The following CSPG4 variants were observed in gnomAD, a reference collection of about 807,000 sequenced individuals.
CSPG4 encodes chondroitin sulfate proteoglycan 4 (melanoma-associated).
CSPG4 carries 74 observed loss-of-function variants against 139.3 expected under a neutral mutation model. That is an observed-to-expected ratio of 0.53 (90% CI 0.44 to 0.64). The LOEUF (loss-of-function observed/expected upper bound fraction) is 0.64. CSPG4 is among the 30% of genes least tolerant of loss of function. CSPG4 has a pLI of 0.00. For synonymous variants in CSPG4, 1,234 were observed against 1,394.2 expected (o/e 0.89, Z 2.56); for missense variants, 2,565 against 3,148.3 (o/e 0.81, Z 4.43).
intron 1 of CSPG4, among the ~76,000 whole-genome samples, chr15:75,709,825 TA>T (rs1894423409): frequency 6.6e-6 from 1 of 151,870 alleles, no homozygotes; most frequent in South Asian, 2.1e-4. Flanking sequence ...CGGGCAGCAC[TA>T]AAAGGCCCTT....
intron 1 of CSPG4, among the ~76,000 whole-genome samples, chr15:75,695,664 T>TG (rs973957562): frequency 4.0e-5 from 6 of 151,608 alleles, no homozygotes; most frequent in Non-Finnish European, 5.9e-5. Flanking sequence ...TTGGAGGTGG[T>TG]GGGGGGGCAG....
Position 75,675,795 on chromosome 15 carries a change from G to A in CSPG4, c.6724C>T (p.Leu2242=). The A allele has an allele frequency of 1.9e-6, 3 of 1,613,582 alleles. No individual in the cohort carries two copies. Among genetic ancestry groups the A allele is most frequent in the South Asian group, 1.1e-5 (1 of 91,082 alleles). ...VLLLLALILP[L]LFYLRKRNKT... ...TTGCGTTTTCGGAGGTAGAAGAGCA[G>A]GGGCAGGATGAGCGCCAGGAGCAGA... The change falls in exon 10 of 10, where the codon CTG becomes TTG. Residue 2242 remains leucine (L), a synonymous_variant. Transcript: ENST00000308508.
rs750086032 is a variant in CSPG4, at chr15:75,689,401, A to C, written c.1664T>G (p.Ile555Ser). 1.2e-6 allele frequency: 2 copies of C among 1,612,578 alleles called. 1 individual carries two copies. Among genetic ancestry groups the C allele is most frequent in the East Asian group, 4.5e-5 (2 of 44,864 alleles). Residue 555 changes from isoleucine (I) to serine (S), a missense_variant, in exon 3 of 10, where the codon ATC (isoleucine) becomes AGC (serine). Ile to Ser is a moderately radical substitution (Grantham distance 142). Coordinates refer to ENST00000308508, the MANE Select transcript of CSPG4 (RefSeq NM_001897.5). ...QVNPVNDPPH[I>S]IFPHGSLMVI... ...CATGAGGCTGCCATGTGGGAAGATG[A>C]TGTGGGGTGGGTCATTGACAGGGTT...
chr15:75,711,889 C>G (rs1453921624), intron 1 of CSPG4, among the ~76,000 whole-genome samples: 3 of 152,094 alleles, frequency 2.0e-5, no homozygotes, highest in East Asian at 3.9e-4. Context: ...CAGCACTTCT[C>G]GGAAAGCGAA....
chr15:75,676,105 TGCGGG>T lies in CSPG4; in HGVS notation c.6409_6413del (p.Pro2137ArgfsTer2). The T allele has an allele frequency of 6.5e-7, 1 of 1,534,692 alleles. No individual in the cohort carries two copies. The highest frequency in any genetic ancestry group is 8.7e-7 in the Non-Finnish European group (1 of 1,144,428). On this transcript the variant is annotated frameshift_variant, in exon 10 of 10. Transcript: ENST00000308508. LOFTEE classifies it high-confidence loss of function. Reference sequence around the variant, plus strand: ...ACAGCTCCAGAGTGAGACTGTCACCTGCGGGGCCGGGGGCCCTCCCCTCTGGCCTG... The same window carrying T: ...ACAGCTCCAGAGTGAGACTGTCACCTGCCGGGGGCCCTCCCCTCTGGCCTG...
intron 1 of CSPG4, among the ~76,000 whole-genome samples, chr15:75,694,240 C>T (rs1201948945): frequency 6.6e-6 from 1 of 152,258 alleles, no homozygotes; most frequent in South Asian, 2.1e-4. Context: ...ATGCAGGGCC[C>T]GTTCTGTCCC....
chr15:75,703,638 G>T (rs1328407966), intron 1 of CSPG4, among the ~76,000 whole-genome samples: 6 of 151,470 alleles, frequency 4.0e-5, no homozygotes, highest in Non-Finnish European at 8.8e-5. Context: ...GCTGTCTTGG[G>T]CACGGCCGGG....
intron 1 of CSPG4, among the ~76,000 whole-genome samples, chr15:75,697,582 C>A (rs1451183613): frequency 6.6e-6 from 1 of 152,202 alleles, no homozygotes; most frequent in Non-Finnish European, 1.5e-5. Context: ...GGCAATGGAT[C>A]CCTGTGTGCC....
At chr15:75,710,712 T>C (rs1894437784) in intron 1 of CSPG4, among the ~76,000 whole-genome samples, 1 of 152,082 alleles carries the variant, frequency 6.6e-6, no homozygotes, top group Non-Finnish European at 1.5e-5. Context: ...GCCAGGGGCA[T>C]CCAGGAGGGG....
In CSPG4 at chr15:75,674,660, G is replaced by A. The variant is rs1187012307; in HGVS notation, c.*890C>T. The A allele has an allele frequency of 1.3e-5, 5 of 398,904 alleles. No individual in the cohort carries two copies. The highest frequency in any genetic ancestry group is 2.2e-5 in the Non-Finnish European group (5 of 226,112). 24.7% of individuals were successfully genotyped at this position (398,904 alleles called of 1,614,324 possible). On this transcript the variant is annotated 3_prime_UTR_variant, in exon 10 of 10. Transcript: ENST00000308508. Reference sequence around the variant, plus strand: ...AAAGCACTGTTTATCCAGGCTCCATGGAACCAAGTGCCCCCAGCTGCCTGC... The same window carrying A: ...AAAGCACTGTTTATCCAGGCTCCATAGAACCAAGTGCCCCCAGCTGCCTGC...
At position 75,677,736 on chromosome 15, in the gene CSPG4, G is replaced by C. The variant is rs1893913808; in HGVS notation, c.5101C>G (p.Pro1701Ala). ...AVAVSFEAAC[P>A]QRPSHLWKNK... ...TTCCAGAGGTGGCTGGGGCGCTGGG[G>C]ACAGGCAGCCTCAAAAGACACAGCC... Residue 1701 changes from proline to alanine, a missense_variant, in exon 9 of 10, where the codon CCC becomes GCC. Around this residue, in one of 5 missense-constraint regions of CSPG4, gnomAD observed 2,316 missense variants for 2,818.2 expected, o/e 0.82. Transcript: ENST00000308508. 1 of 1,608,012 alleles carries C rather than the reference G, an allele frequency of 6.2e-7. No individual in the cohort carries two copies. The highest frequency in any genetic ancestry group is 1.3e-5 in the African/African-American group (1 of 74,436).
In CSPG4 at chr15:75,689,996, C is replaced by G; in HGVS notation, c.1069G>C (p.Asp357His). 6.2e-7 allele frequency: 1 copy of G among 1,612,078 alleles called. No individual in the cohort carries two copies. Among genetic ancestry groups the G allele is most frequent in the Non-Finnish European group, 8.5e-7 (1 of 1,179,644 alleles). Residue 357 changes from aspartate to histidine, a missense_variant, in exon 3 of 10, where the codon GAC becomes CAC. Asp to His is a moderately conservative substitution (Grantham distance 81). Around this residue, in one of 5 missense-constraint regions of CSPG4, gnomAD observed 2,316 missense variants for 2,818.2 expected, o/e 0.82. Transcript: ENST00000308508. Reference protein sequence around the residue: ...TNASLLGCMEDLSVNGQRRGL... With the variant: ...TNASLLGCMEHLSVNGQRRGL... ...CGCCTCTGGCCATTGACACTGAGGT[C>G]TTCCATGCAGCCCAGCAGGGAGGCA...
chr15:75,688,880 G>A lies in CSPG4; in HGVS notation c.2185C>T (p.Gln729Ter). The A allele has an allele frequency of 6.2e-7, 1 of 1,612,284 alleles. No individual in the cohort carries two copies. Among genetic ancestry groups the A allele is most frequent in the Non-Finnish European group, 8.5e-7 (1 of 1,179,942 alleles). ...GVEGAEWWATQAFHQRDVEQG... is the reference protein window; with the variant it reads ...GVEGAEWWAT ...TCCACATCCCGCTGGTGGAACGCCTGTGTGGCCCACCACTCAGCACCCTCC... is the reference window on the plus strand; with the variant it reads ...TCCACATCCCGCTGGTGGAACGCCTATGTGGCCCACCACTCAGCACCCTCC... Residue 729 changes from glutamine to a stop codon, truncating the protein, a stop_gained, in exon 3 of 10, where the codon CAG becomes TAG. Transcript: ENST00000308508. LOFTEE classifies it high-confidence loss of function.
intron 1 of CSPG4, among the ~76,000 whole-genome samples, chr15:75,704,327 C>T (rs1894342384): frequency 6.6e-6 from 1 of 152,170 alleles, no homozygotes; most frequent in Non-Finnish European, 1.5e-5. Flanking sequence ...GCACCATCAG[C>T]CAGCTGGCTC....
chr15:75,709,197 T>G (rs910084175), intron 1 of CSPG4, among the ~76,000 whole-genome samples: 1 of 152,134 alleles, frequency 6.6e-6, no homozygotes. Flanking sequence ...AAATTCCTCA[T>G]ACAAACTCAG....
chr15:75,688,372 T>A lies in CSPG4; in HGVS notation c.2693A>T (p.Asp898Val). The change falls in exon 3 of 10, where the codon GAT (aspartate) becomes GTT (valine). Residue 898 changes from aspartate to valine, a missense_variant. Asp to Val is a radical substitution (Grantham distance 152). Transcript: ENST00000308508. ...GAGGACATTGGTGAGGACAGGCGCA[T>A]CTGGGTCACCACCAATGTGGATGGG... ...TFPIHIGGDP[D>V]APVLTNVLLV... 1.2e-6 allele frequency: 2 copies of A among 1,613,328 alleles called. No individual in the cohort carries two copies. The highest frequency in any genetic ancestry group is 1.7e-6 in the Non-Finnish European group (2 of 1,180,034).
At chr15:75,697,804 C>T (rs1894247598) in intron 1 of CSPG4, among the ~76,000 whole-genome samples, 1 of 152,184 alleles carries the variant, frequency 6.6e-6, no homozygotes, top group South Asian at 2.1e-4. Context: ...GAGGGACACC[C>T]AGTGCCACAG....
intron 2 of CSPG4, among the ~76,000 whole-genome samples, chr15:75,692,143 G>A (rs985840248): frequency 3.9e-5 from 6 of 152,004 alleles, no homozygotes; most frequent in Admixed American, 2.6e-4. Context: ...CACCATGCCC[G>A]GCTAATTTTT....
At chr15:75,707,516 G>A (rs1169032575) in intron 1 of CSPG4, among the ~76,000 whole-genome samples, 1 of 152,198 alleles carries the variant, frequency 6.6e-6, no homozygotes, top group East Asian at 1.9e-4. Context: ...GTGAGGGCCA[G>A]CAGGCAGTGG....
Sources: gnomAD v4.1 joint callset for allele counts (sites outside exome capture counted in the v4.1 genomes callset) on GRCh38, gnomAD v4.1.1 for gene constraint, gnomAD v4.1.1 regional missense constraint, MANE v1.5 for transcripts, NCBI Gene and HGNC (gene_info 2026-07-23, HGNC 2026-07-21) for gene names.